Variants in CSMD1 observed in about 807,000 individuals in gnomAD.
CSMD1 encodes the protein CUB and Sushi multiple domains 1, also known as CUB and sushi domain-containing protein 1.
Under a neutral mutation model 417.5 loss-of-function variants are expected in CSMD1, and 213 were observed. The observed-to-expected ratio is 0.51, with a 90% CI of 0.46 to 0.57. CSMD1 has a LOEUF of 0.57. Ranked by LOEUF, CSMD1 falls within the 20% of genes least tolerant of loss-of-function variation. The pLI is 0.00. For synonymous variants in CSMD1, 2,862 were observed against 1,736.8 expected (o/e 1.65, Z -16.11); for missense variants, 6,923 against 4,529.7 (o/e 1.53, Z -15.17).
At chr8:4,515,979 T>A (rs768995913) in intron 2 of CSMD1, among the ~76,000 whole-genome samples, 36 of 152,172 alleles carry the variant, frequency 2.4e-4, no homozygotes, top group Non-Finnish European at 4.3e-4. Flanking sequence ...ACCTGACAGC[T>A]GTTACCCATT....
intron 3 of CSMD1, among the ~76,000 whole-genome samples, chr8:4,084,902 A>T (rs1800339089): frequency 6.6e-6 from 1 of 151,930 alleles, no homozygotes; most frequent in Non-Finnish European, 1.5e-5. Flanking sequence ...AAAAAAGAAA[A>T]AACAAAAACA....
At chr8:4,468,403 A>C (rs1055279453) in intron 2 of CSMD1, among the ~76,000 whole-genome samples, 5 of 152,252 alleles carry the variant, frequency 3.3e-5, no homozygotes, top group South Asian at 2.1e-4. Flanking sequence ...TTAAACCTTT[A>C]GCAGGGTAGA....
chr8:4,406,095 T>C (rs891817957), intron 3 of CSMD1, among the ~76,000 whole-genome samples: 4 of 152,182 alleles, frequency 2.6e-5, no homozygotes, highest in Non-Finnish European at 5.9e-5. Context: ...ATGACAGCAC[T>C]AATTCATTTC....
chr8:4,463,276 G>T (rs1356469257), intron 2 of CSMD1, among the ~76,000 whole-genome samples: 2 of 151,904 alleles, frequency 1.3e-5, no homozygotes, highest in African/African-American at 2.4e-5. Context: ...CCATCAAAAA[G>T]ACAGTTAGTA....
intron 5 of CSMD1, among the ~76,000 whole-genome samples, chr8:3,884,154 A>G (rs148911254): frequency 6.6e-6 from 1 of 152,350 alleles, no homozygotes; most frequent in East Asian, 1.9e-4. Flanking sequence ...GAAAATATTT[A>G]GGGAAAAATG....
intron 1 of CSMD1, among the ~76,000 whole-genome samples, chr8:4,766,601 G>A (rs762390133): frequency 2.6e-5 from 4 of 152,258 alleles, no homozygotes; most frequent in South Asian, 2.1e-4. Context: ...CATTTATTGC[G>A]TGTTTACTGA....
At chr8:3,425,062 G>A (rs904785400) in intron 12 of CSMD1, among the ~76,000 whole-genome samples, 1 of 152,114 alleles carries the variant, frequency 6.6e-6, no homozygotes, top group Non-Finnish European at 1.5e-5. Flanking sequence ...CTGGTTCCAA[G>A]TCCCTGGGCT....
intron 12 of CSMD1, among the ~76,000 whole-genome samples, chr8:3,438,858 G>A (rs749019603): frequency 1.3e-4 from 19 of 151,878 alleles, no homozygotes; most frequent in Non-Finnish European, 2.2e-4. Flanking sequence ...GCTTGCACCT[G>A]TAATCCCAGC....
Position 4,180,688 on chromosome 8 carries a change from T to C in CSMD1, c.416-148589A>G, listed in dbSNP as rs1021681152. Among the ~76,000 whole-genome samples the C allele has an allele frequency of 7.9e-5, 12 of 152,156 alleles. No homozygotes were observed. The East Asian group carries it at 2.3e-3, about 29-fold the overall frequency. On this transcript the variant is annotated intron_variant, in intron 3 of 69. Coordinates refer to ENST00000635120, the MANE Select transcript of CSMD1 (RefSeq NM_033225.6). ...AGCACTGGCCATATGAAAGGCAAGG[T>C]AGCTCACTGGTTGTCATGGAACTCA...
chr8:3,648,591 A>G (rs1365576139), intron 7 of CSMD1, among the ~76,000 whole-genome samples: 2 of 152,216 alleles, frequency 1.3e-5, no homozygotes, highest in African/African-American at 4.8e-5. Flanking sequence ...TTTTGATTTT[A>G]GAACAGATTT....
At chr8:4,970,413 C>G (rs1237656304) in intron 1 of CSMD1, among the ~76,000 whole-genome samples, 4 of 152,108 alleles carry the variant, frequency 2.6e-5, no homozygotes, top group African/African-American at 4.8e-5. Flanking sequence ...TCTTCATCAA[C>G]TTTACAAACA....
chr8:3,160,863 T>G (rs989459078), intron 38 of CSMD1, among the ~76,000 whole-genome samples: 1 of 152,200 alleles, frequency 6.6e-6, no homozygotes, highest in African/African-American at 2.4e-5. Context: ...GCATTCAGCG[T>G]TTGCCAGCCC....
At chr8:2,960,544 AT>A (rs1401936365) in intron 62 of CSMD1, among the ~76,000 whole-genome samples, 1 of 152,208 alleles carries the variant, frequency 6.6e-6, no homozygotes. Context: ...ACTTTTAGGT[AT>A]TTCTCCAACG....
chr8:4,446,087 T>G (rs1183470789), intron 2 of CSMD1, among the ~76,000 whole-genome samples: 1 of 152,216 alleles, frequency 6.6e-6, no homozygotes, highest in Non-Finnish European at 1.5e-5. Context: ...AAGGGCTCCG[T>G]GTTCACTGTA....
chr8:3,705,455 C>T (rs1423020209), intron 7 of CSMD1, among the ~76,000 whole-genome samples: 2 of 152,182 alleles, frequency 1.3e-5, no homozygotes, highest in Non-Finnish European at 2.9e-5. Context: ...AACTTCTTAA[C>T]GGGGACAGCC....
chr8:3,559,195 G>A (rs563430502), intron 10 of CSMD1, among the ~76,000 whole-genome samples: 1 of 152,294 alleles, frequency 6.6e-6, no homozygotes, highest in East Asian at 1.9e-4. Flanking sequence ...ATGTGTTTGG[G>A]CAATAAGTAT....
chr8:3,359,336 A>T lies in CSMD1; in HGVS notation c.3120T>A (p.Tyr1040Ter). 1 of 1,613,374 alleles carries T rather than the reference A, an allele frequency of 6.2e-7. No homozygotes were observed. The stretch of plus-strand genomic sequence containing the variant: ...CAGGATCATCACATGGCTCCAGGTC[A>T]TATTCTGAGGCATGCAGAGACAGAG... ...YEGFNITFSE[Y>*]DLEPCDDPGV... The change falls in exon 21 of 70, where the codon TAT becomes TAA. Residue 1040 changes from tyrosine to a stop codon, truncating the protein, a stop_gained. Transcript: ENST00000635120. LOFTEE classifies it high-confidence loss of function.
chr8:3,678,768 T>C (rs554568000), intron 7 of CSMD1, among the ~76,000 whole-genome samples: 69 of 151,850 alleles, frequency 4.5e-4, no homozygotes, highest in African/African-American at 1.5e-3. Flanking sequence ...AAGGAAAAAA[T>C]GTTAAGTGCA....
chr8:4,235,242 C>A (rs1242495087), intron 3 of CSMD1, among the ~76,000 whole-genome samples: 1 of 152,150 alleles, frequency 6.6e-6, no homozygotes, highest in Non-Finnish European at 1.5e-5. Flanking sequence ...CGAACAACAT[C>A]ATTTTTGTTA....
Sources: gnomAD v4.1 joint callset for allele counts (sites outside exome capture counted in the v4.1 genomes callset) on GRCh38, gnomAD v4.1.1 for gene constraint, MANE v1.5 for transcripts, NCBI Gene and HGNC (gene_info 2026-07-23, HGNC 2026-07-21) for gene names.